The following ACER3 variants were observed in gnomAD, a reference collection of about 807,000 sequenced individuals.
ACER3 encodes alkaline ceramidase 3, also known as alkCDase 3.
A neutral mutation model predicts 48.9 loss-of-function variants in ACER3; 16 were observed. The ratio of observed to expected loss-of-function variants is 0.33; its 90% confidence interval spans 0.22 to 0.50. The LOEUF is 0.50. ACER3 is among the 20% of genes least tolerant of loss of function. The probability of loss-of-function intolerance (pLI) is 0.98; values close to 1 mark genes in which losing one functional copy is unlikely to be tolerated. For synonymous variants in ACER3, 109 were observed against 107.8 expected, an observed-to-expected ratio of 1.01 and a Z score of -0.07; for missense variants, 227 against 326.0, an observed-to-expected ratio of 0.70 and a Z score of 2.34.
At chr11:76,986,562 A>G (rs575992199) in intron 5 of ACER3, among the ~76,000 whole-genome samples, 23 of 152,330 alleles carry the variant, frequency 1.5e-4, no homozygotes, top group African/African-American at 4.8e-4. Context: ...ACCATTTTCA[A>G]TCACTTACTA....
At chr11:76,894,638 T>A (rs914169918) in intron 1 of ACER3, among the ~76,000 whole-genome samples, 5 of 152,210 alleles carry the variant, frequency 3.3e-5, no homozygotes, top group Non-Finnish European at 5.9e-5. Context: ...TAAAGTGGCA[T>A]AAAATGTAGA....
chr11:76,981,707 A>C (rs754580092), intron 4 of ACER3, among the ~76,000 whole-genome samples: 1 of 152,194 alleles, frequency 6.6e-6, no homozygotes, highest in East Asian at 1.9e-4. Flanking sequence ...TAATTTGCCA[A>C]TTACTTTTGA....
chr11:76,909,052 G>A (rs1590915795), intron 1 of ACER3, among the ~76,000 whole-genome samples: 2 of 152,154 alleles, frequency 1.3e-5, no homozygotes, highest in Non-Finnish European at 2.9e-5. Flanking sequence ...ATGGTGTTAG[G>A]AAAACTGGCT....
intron 1 of ACER3, among the ~76,000 whole-genome samples, chr11:76,892,446 G>C (rs1263920009): frequency 6.6e-6 from 1 of 152,134 alleles, no homozygotes; most frequent in African/African-American, 2.4e-5. Flanking sequence ...GTGTGTGGGG[G>C]TTTAACAACA....
chr11:76,887,504 A>T (rs1945701506), intron 1 of ACER3, among the ~76,000 whole-genome samples: 1 of 152,186 alleles, frequency 6.6e-6, no homozygotes, highest in South Asian at 2.1e-4. Context: ...TTTTAAAAGT[A>T]TATAGTTTTT....
At chr11:76,875,057 T>C (rs1265849856) in intron 1 of ACER3, among the ~76,000 whole-genome samples, 1 of 150,656 alleles carries the variant, frequency 6.6e-6, no homozygotes, top group Non-Finnish European at 1.5e-5. Flanking sequence ...GAGGACTTTC[T>C]ATTGACTAAA....
At chr11:76,942,842 A>T (rs1217175997) in intron 2 of ACER3, among the ~76,000 whole-genome samples, 3 of 151,702 alleles carry the variant, frequency 2.0e-5, no homozygotes, top group African/African-American at 7.3e-5. Flanking sequence ...GATTTTTTTT[A>T]AATCACTGAT....
intron 1 of ACER3, among the ~76,000 whole-genome samples, chr11:76,917,800 G>T (rs1458037335): frequency 1.3e-5 from 2 of 150,290 alleles, no homozygotes; most frequent in Non-Finnish European, 3.0e-5. Context: ...GGTCGAGGCT[G>T]CAGTAAGCCA....
intron 1 of ACER3, among the ~76,000 whole-genome samples, chr11:76,874,639 A>G (rs1477716938): frequency 6.6e-6 from 1 of 152,218 alleles, no homozygotes; most frequent in Non-Finnish European, 1.5e-5. Flanking sequence ...ATCATTTAAA[A>G]GGCATTAAGT....
At chr11:76,926,728 CA>C in intron 2 of ACER3, 61 bp downstream of exon 2, 4 of 1,140,282 alleles carry the variant, frequency 3.5e-6, no homozygotes, top group Non-Finnish European at 5.1e-6. Flanking sequence ...TTTTCTCATT[CA>C]TTTCTAAAAG....
intron 2 of ACER3, among the ~76,000 whole-genome samples, chr11:76,929,265 CTGTTA>C (rs1946925177): frequency 6.6e-6 from 1 of 152,064 alleles, no homozygotes; most frequent in African/African-American, 2.4e-5. Context: ...CTCTGTTTGT[CTGTTA>C]TTAGTGTATA....
chr11:77,005,992 T>TATATACATATATATATA lies in ACER3; in HGVS notation c.497+7171_497+7172insATATACATATATATATA, dbSNP rs1491403985. Among the ~76,000 whole-genome samples the TATATACATATATATATA allele has an allele frequency of 7.7e-3, 545 of 70,480 alleles. 8 individuals carry two copies. Among genetic ancestry groups the TATATACATATATATATA allele is most frequent in the African/African-American group, 0.022 (405 of 18,200 alleles). The allele number at this position is 70,480 out of a possible 152,430, so 46.2% of individuals were successfully genotyped here. A position where few individuals can be genotyped will look rare whatever the true frequency, so the allele number is the denominator to read the frequency against. Reference sequence around the variant, plus strand: ...ATATACATATATATATATATATATATTTTTTTTTTTTTTTGAGCCAGAGTT... The same window carrying TATATACATATATATATA: ...ATATACATATATATATATATATATATATATACATATATATATATTTTTTTTTTTTTTGAGCCAGAGTT... On this transcript the variant is annotated intron_variant, in intron 7 of 10. Transcript: ENST00000532485.
intron 7 of ACER3, among the ~76,000 whole-genome samples, chr11:77,013,859 A>C (rs116060612): frequency 6.6e-6 from 1 of 152,380 alleles, no homozygotes; most frequent in African/African-American, 2.4e-5. Flanking sequence ...TGCTGTGACC[A>C]TACAATGGAG....
At chr11:76,930,552 G>C (rs1340365407) in intron 2 of ACER3, among the ~76,000 whole-genome samples, 4 of 151,936 alleles carry the variant, frequency 2.6e-5, no homozygotes, top group African/African-American at 9.7e-5. Context: ...TTTTAATTGT[G>C]ATGTTAGGGT....
chr11:76,925,450 C>CG (rs1200249300), intron 1 of ACER3, among the ~76,000 whole-genome samples: 1 of 152,242 alleles, frequency 6.6e-6, no homozygotes, highest in Non-Finnish European at 1.5e-5. Context: ...TCCAACACCT[C>CG]TGTCAAATGC....
chr11:76,873,207 G>A (rs1945290536), intron 1 of ACER3, among the ~76,000 whole-genome samples: 1 of 152,102 alleles, frequency 6.6e-6, no homozygotes, highest in Non-Finnish European at 1.5e-5. Flanking sequence ...ACGCCTGGCT[G>A]AGTCTGCATT....
chr11:76,996,205 C>T (rs1448739815), intron 6 of ACER3, among the ~76,000 whole-genome samples: 2 of 152,084 alleles, frequency 1.3e-5, no homozygotes, highest in African/African-American at 2.4e-5. Flanking sequence ...AATCTGGCCA[C>T]TTCTCTGCAT....
intron 1 of ACER3, among the ~76,000 whole-genome samples, chr11:76,861,295 A>C (rs1361626133): frequency 4.6e-5 from 3 of 65,860 alleles, no homozygotes; most frequent in Admixed American, 1.7e-4. Flanking sequence ...GGAGGGAGGA[A>C]GGGGGCCTGA....
At chr11:76,868,095 A>G (rs1361827422) in intron 1 of ACER3, 3 of 1,288,878 alleles carry the variant, frequency 2.3e-6, no homozygotes, top group Non-Finnish European at 3.0e-6. Flanking sequence ...CCTTTGCTAT[A>G]TTTCTTTTCT....
Sources: gnomAD v4.1 joint callset for allele counts (sites outside exome capture counted in the v4.1 genomes callset) on GRCh38, gnomAD v4.1.1 for gene constraint, MANE v1.5 for transcripts, NCBI Gene and HGNC (gene_info 2026-07-23, HGNC 2026-07-21) for gene names.